The following PLXNA4 variants were observed in gnomAD, a reference collection of about 807,000 sequenced individuals.
PLXNA4 encodes plexin-A4.
A neutral mutation model predicts 191.8 loss-of-function variants in PLXNA4; 44 were observed. That is an observed-to-expected ratio of 0.23 (90% CI 0.18 to 0.29). PLXNA4 has a LOEUF of 0.29. PLXNA4 is among the 10% of genes least tolerant of loss of function. The pLI is 1.00. For missense variants in PLXNA4, 1,800 were observed against 2,488.8 expected (o/e 0.72, Z 5.89); for synonymous variants, 1,082 against 1,009.5 (o/e 1.07, Z -1.36).
chr7:132,413,937 A>C (rs1326238875), intron 3 of PLXNA4, among the ~76,000 whole-genome samples: 1 of 152,068 alleles, frequency 6.6e-6, no homozygotes, highest in Non-Finnish European at 1.5e-5. Flanking sequence ...AAAGGTATGC[A>C]CTCCGCCACC....
chr7:132,297,175 G>A (rs1308705118), intron 4 of PLXNA4, among the ~76,000 whole-genome samples: 2 of 152,144 alleles, frequency 1.3e-5, no homozygotes, highest in African/African-American at 2.4e-5. Flanking sequence ...ATGAAAAAGA[G>A]GGGAGATCTG....
chr7:132,535,300 A>G (rs1799787146), intron 1 of PLXNA4, among the ~76,000 whole-genome samples: 1 of 152,252 alleles, frequency 6.6e-6, no homozygotes, highest in Non-Finnish European at 1.5e-5. Flanking sequence ...CATGCCAAAA[A>G]CATCAGAGAC....
At position 132,334,252 on chromosome 7, in the gene PLXNA4, C is replaced by CTTTTTTT. The variant is rs71529758; in HGVS notation, c.1372-36037_1372-36031dup. On this transcript the variant is annotated intron_variant, in intron 3 of 31. Transcript: ENST00000321063. ...TTTCTTTTCTTTTCTTTCTTTCTTT[C>CTTTTTTT]TTTTTTTTTTTTTTTTTTTTTTTGA... Among the ~76,000 whole-genome samples the CTTTTTTT allele has an allele frequency of 3.9e-3, 292 of 75,566 alleles. 7 individuals carry two copies. Among genetic ancestry groups the CTTTTTTT allele is most frequent in the Middle Eastern group, 0.024 (2 of 84 alleles). 49.6% of individuals were successfully genotyped at this position (75,566 alleles called of 152,430 possible).
intron 3 of PLXNA4, among the ~76,000 whole-genome samples, chr7:132,382,713 T>C (rs144772203): frequency 1.3e-5 from 2 of 152,360 alleles, no homozygotes; most frequent in East Asian, 3.9e-4. Context: ...GCCCTTTGTA[T>C]TCAAAGACAA....
chr7:132,397,981 G>C (rs960472630), intron 3 of PLXNA4, among the ~76,000 whole-genome samples: 1 of 152,108 alleles, frequency 6.6e-6, no homozygotes, highest in Non-Finnish European at 1.5e-5. Flanking sequence ...CACTATGGAG[G>C]CTCCCAGGAT....
chr7:132,504,010 T>G (rs1267288898), intron 2 of PLXNA4, among the ~76,000 whole-genome samples: 3 of 152,184 alleles, frequency 2.0e-5, no homozygotes, highest in Non-Finnish European at 4.4e-5. Flanking sequence ...TTCCCTAGCC[T>G]CCACACTTGG....
At chr7:132,611,400 C>T (rs753242980) in intron 2 of PLXNA4, among the ~76,000 whole-genome samples, 6 of 152,214 alleles carry the variant, frequency 3.9e-5, no homozygotes, top group Non-Finnish European at 8.8e-5. Flanking sequence ...CATATCTTAA[C>T]GCTTCCAAAT....
chr7:132,300,688 C>CAA (rs1189775466), intron 3 of PLXNA4, among the ~76,000 whole-genome samples: 1 of 152,212 alleles, frequency 6.6e-6, no homozygotes, highest in African/African-American at 2.4e-5. Context: ...CAAGTCTGAC[C>CAA]GTGCAATGAT....
chr7:132,328,944 G>C (rs1036272847), intron 3 of PLXNA4, among the ~76,000 whole-genome samples: 7 of 152,196 alleles, frequency 4.6e-5, no homozygotes, highest in Non-Finnish European at 8.8e-5. Context: ...CACAAGGTCT[G>C]GGTTCCTGGG....
upstream of PLXNA4, among the ~76,000 whole-genome samples, chr7:132,579,940 G>A (rs764387797): frequency 9.2e-5 from 14 of 152,134 alleles, no homozygotes; most frequent in Non-Finnish European, 1.9e-4. Flanking sequence ...AATGGAATGG[G>A]GTGGGATGAG....
At chr7:132,365,364 T>C (rs6970889) in intron 3 of PLXNA4, among the ~76,000 whole-genome samples, 3,114 of 147,254 alleles carry the variant, frequency 0.021, 96 homozygotes, top group African/African-American at 0.068. Context: ...TGTGTGTGCG[T>C]GCGCGCGCAT....
At chr7:132,564,065 T>A (rs1801578979) in intron 1 of PLXNA4, among the ~76,000 whole-genome samples, 2 of 124,312 alleles carry the variant, frequency 1.6e-5, no homozygotes, top group African/African-American at 6.3e-5. Flanking sequence ...TTTCTCCTCC[T>A]CCTTCTCCTC....
chr7:132,206,617 G>T (rs184970237), intron 10 of PLXNA4, among the ~76,000 whole-genome samples: 80 of 152,196 alleles, frequency 5.3e-4, no homozygotes, highest in African/African-American at 1.9e-3. Context: ...AACCCCATGT[G>T]CTCCCCCTCA....
At chr7:132,551,066 A>G (rs117497738) in intron 1 of PLXNA4, among the ~76,000 whole-genome samples, 137 of 152,030 alleles carry the variant, frequency 9.0e-4, no homozygotes, top group Non-Finnish European at 1.8e-3. Context: ...TCCACTTAGT[A>G]CCTCAGGCCC....
chr7:132,258,249 C>T (rs1041454276), intron 4 of PLXNA4, among the ~76,000 whole-genome samples: 2 of 152,342 alleles, frequency 1.3e-5, no homozygotes, highest in Admixed American at 6.5e-5. Flanking sequence ...GCTGTGTCGA[C>T]GAAAGGCGGC....
chr7:132,151,137 T>C (rs182274513), intron 25 of PLXNA4, among the ~76,000 whole-genome samples: 132 of 152,100 alleles, frequency 8.7e-4, no homozygotes, highest in Non-Finnish European at 1.6e-3. Flanking sequence ...CAGAAAAAAA[T>C]TGCTATGTGC....
At chr7:132,274,478 C>T (rs1048164277) in intron 4 of PLXNA4, among the ~76,000 whole-genome samples, 1 of 151,996 alleles carries the variant, frequency 6.6e-6, no homozygotes, top group Admixed American at 6.6e-5. Flanking sequence ...AGCTCTAGGC[C>T]TTATTCTGAT....
At chr7:132,385,057 G>C in intron 3 of PLXNA4, 1 of 1,495,834 alleles carries the variant, frequency 6.7e-7, no homozygotes, top group Non-Finnish European at 8.9e-7. Flanking sequence ...CTAAGGACTT[G>C]GGGTGGCAGG....
intron 9 of PLXNA4, among the ~76,000 whole-genome samples, chr7:132,219,892 G>T (rs1287338394): frequency 6.6e-6 from 1 of 152,184 alleles, no homozygotes; most frequent in Non-Finnish European, 1.5e-5. Flanking sequence ...TGCTGTACAG[G>T]TGTGTAGCCT....
Sources: gnomAD v4.1 joint callset for allele counts (sites outside exome capture counted in the v4.1 genomes callset) on GRCh38, gnomAD v4.1.1 for gene constraint, MANE v1.5 for transcripts, NCBI Gene and HGNC (gene_info 2026-07-23, HGNC 2026-07-21) for gene names.